Variants in LMTK2 observed in about 807,000 individuals in gnomAD.
LMTK2 encodes serine/threonine-protein kinase LMTK2.
In LMTK2, 37 loss-of-function variants were observed where a neutral mutation model predicts 127.5. That is an observed-to-expected ratio of 0.29 (90% CI 0.22 to 0.38). The LOEUF (loss-of-function observed/expected upper bound fraction) is 0.38, where lower values mean the gene tolerates loss of function less well. LMTK2 is among the 10% of genes least tolerant of loss of function. The pLI, the probability that LMTK2 is intolerant of heterozygous loss-of-function variation, is 1.00. For synonymous variants in LMTK2, 819 were observed against 810.1 expected (o/e 1.01, Z -0.19); for missense variants, 1,694 against 1,920.3 (o/e 0.88, Z 2.20).
In LMTK2 at chr7:98,119,533, C is replaced by T. The variant is rs754673984; in HGVS notation, c.103+12253C>T. ...TTTTTATTTTTTTAAAAACTTCACT[C>T]CTTCTCTAGATGTCTGTATGAATAA... is the stretch of plus-strand genomic sequence containing the variant. On this transcript the variant is annotated intron_variant, in intron 1 of 13. Transcript: ENST00000297293. Among the ~76,000 whole-genome samples, 50 of 152,288 alleles carry T rather than the reference C, an allele frequency of 3.3e-4. 1 individual carries two copies. In the Middle Eastern group the frequency reaches 0.014, roughly 42 times the overall value.
chr7:98,185,084 C>T lies in LMTK2; in HGVS notation c.825C>T (p.Ser275=), dbSNP rs1031636997. 7.4e-6 allele frequency: 12 copies of T among 1,612,664 alleles called. No individual in the cohort carries two copies. The highest frequency in any genetic ancestry group is 3.3e-4 in the Middle Eastern group (2 of 6,078). Residue 275 remains serine, a synonymous_variant, in exon 8 of 14, where the codon TCC becomes TCT. Coordinates refer to ENST00000297293, the MANE Select transcript of LMTK2 (RefSeq NM_014916.4). The stretch of plus-strand genomic sequence containing the variant: ...CCCTGCGGAATTGTTTTCTCACCTC[C>T]GACTTAAATGTGAAAGTGGGAGATT... The part of the protein sequence containing the change: ...DLALRNCFLT[S]DLNVKVGDYG...
chr7:98,203,888 C>G (rs1797746772), intron 12 of LMTK2, 56 bp from the exon 13 acceptor site: 1 of 1,602,286 alleles, frequency 6.2e-7, no homozygotes, highest in South Asian at 1.1e-5. Flanking sequence ...CAGAGGCTCC[C>G]CCTCTCCCTC....
chr7:98,159,654 C>G (rs569878219), intron 6 of LMTK2, among the ~76,000 whole-genome samples: 6 of 152,240 alleles, frequency 3.9e-5, no homozygotes, highest in Admixed American at 1.3e-4. Context: ...GTTGCCTTAC[C>G]ACACTTAATG....
intron 1 of LMTK2, among the ~76,000 whole-genome samples, chr7:98,133,872 TAATA>T (rs1161249289): frequency 1.3e-5 from 2 of 152,170 alleles, no homozygotes; most frequent in African/African-American, 4.8e-5. Flanking sequence ...TCCAGTTCTG[TAATA>T]AATAAGTAGT....
At chr7:98,153,181 C>A (rs536865333) in intron 4 of LMTK2, among the ~76,000 whole-genome samples, 1 of 152,028 alleles carries the variant, frequency 6.6e-6, no homozygotes, top group Non-Finnish European at 1.5e-5. Context: ...GAGAGGGTCC[C>A]GGCTGGACAT....
At chr7:98,195,189 T>A (rs538995901) in intron 11 of LMTK2, among the ~76,000 whole-genome samples, 2 of 152,324 alleles carry the variant, frequency 1.3e-5, no homozygotes, top group South Asian at 4.1e-4. Context: ...GGCCTCCAAT[T>A]TTTAGAGCCT....
rs558560461 is a variant in LMTK2 at position 98,146,744 on chromosome 7, G to A, written c.377-4638G>A. ...GAGTTATAATTTTTTTAATGCATTC[G>A]TATTTTAAATTGTGTAGGAAATAAA... is the stretch of plus-strand genomic sequence containing the variant. On this transcript the variant is annotated intron_variant, in intron 3 of 13. Coordinates refer to ENST00000297293, the MANE Select transcript of LMTK2 (RefSeq NM_014916.4). Among the ~76,000 whole-genome samples, 61 of 152,034 alleles carry A rather than the reference G, an allele frequency of 4.0e-4. 1 individual carries two copies. Among genetic ancestry groups the A allele is most frequent in the African/African-American group, 1.2e-3 (51 of 41,468 alleles).
rs561551630 is a variant in LMTK2 at position 98,190,881 on chromosome 7, G to T, written c.1148+4G>T. The stretch of plus-strand genomic sequence containing the variant: ...AGCAGCCCTACTCTGATAGATGGTT[G>T]GTAGCCTCACATTCCGCCTGTTCTG... On this transcript the variant is annotated splice_donor_region_variant and intron_variant, in intron 10 of 13. Transcript: ENST00000297293. 1 of 1,613,748 alleles carries T rather than the reference G, an allele frequency of 6.2e-7. No individual in the cohort carries two copies. Among genetic ancestry groups the T allele is most frequent in the South Asian group, 1.1e-5 (1 of 91,044 alleles).
chr7:98,197,597 A>G (rs903898404), intron 11 of LMTK2, among the ~76,000 whole-genome samples: 2 of 152,192 alleles, frequency 1.3e-5, no homozygotes, highest in Admixed American at 1.3e-4. Flanking sequence ...TCATTCCCAT[A>G]ATCCTAACAT....
In LMTK2 at chr7:98,137,367, G is replaced by A. The variant is rs748278109; in HGVS notation, c.156G>A (p.Val52=). The change falls in exon 2 of 14, where the codon GTG becomes GTA. Residue 52 remains valine (V), a synonymous_variant. Transcript: ENST00000297293. ...EVSSSFVILC[V]CSLIILIVLI... The stretch of plus-strand genomic sequence containing the variant: ...CCTCATCTTTTGTGATCCTGTGTGT[G>A]TGCAGTTTAATAATATTAATAGTGT... The A allele has an allele frequency of 6.2e-7, 1 of 1,613,726 alleles. No homozygotes were observed. Among genetic ancestry groups the A allele is most frequent in the Non-Finnish European group, 8.5e-7 (1 of 1,179,776 alleles).
At chr7:98,147,319 A>G (rs1029084447) in intron 3 of LMTK2, among the ~76,000 whole-genome samples, 2 of 151,906 alleles carry the variant, frequency 1.3e-5, no homozygotes, top group Non-Finnish European at 2.9e-5. Context: ...CCTGGGCTCC[A>G]GTGATCCTCC....
chr7:98,112,227 T>G (rs1238596540), intron 1 of LMTK2, among the ~76,000 whole-genome samples: 1 of 152,200 alleles, frequency 6.6e-6, no homozygotes, highest in East Asian at 1.9e-4. Context: ...AGACAGGATC[T>G]TGCTCTGCTG....
Position 98,194,135 on chromosome 7 carries a change from A to G in LMTK2, c.3670A>G (p.Thr1224Ala). The change falls in exon 11 of 14, where the codon ACC becomes GCC. Residue 1224 changes from threonine (T) to alanine (A), a missense_variant. By Grantham distance (58) the Thr-to-Ala change is moderately conservative. Coordinates refer to ENST00000297293, the MANE Select transcript of LMTK2 (RefSeq NM_014916.4). The surrounding 1 kb of genome is among the most constrained non-coding windows in gnomAD (Gnocchi z 5.4). ...CGAGACACAGGACGATCGCCCCTGC[A>G]CCCTCGCTTCCACGGGGACCAACAC... The part of the protein sequence containing the change: ...DFETQDDRPC[T>A]LASTGTNTNE... The G allele has an allele frequency of 2.5e-6, 4 of 1,613,990 alleles. No individual in the cohort carries two copies. The highest frequency in any genetic ancestry group is 1.1e-5 in the South Asian group (1 of 91,070).
At chr7:98,142,199 A>C (rs1459278110) in intron 3 of LMTK2, among the ~76,000 whole-genome samples, 6 of 152,198 alleles carry the variant, frequency 3.9e-5, no homozygotes, top group African/African-American at 1.4e-4. Flanking sequence ...GTTTTCTGAG[A>C]TTGCCGCAAG....
intron 3 of LMTK2, among the ~76,000 whole-genome samples, chr7:98,148,150 A>G (rs966737948): frequency 6.6e-6 from 1 of 151,474 alleles, no homozygotes; most frequent in Non-Finnish European, 1.5e-5. Flanking sequence ...GCGGGATTGC[A>G]CTGTTGCACT....
Position 98,159,365 on chromosome 7 carries a change from G to A in LMTK2, c.597G>A (p.Gln199=). ...YYILQHPNIL[Q]CVGQCVEAIP... is the part of the protein sequence containing the mutation. Reference sequence around the variant, plus strand: ...TTCTTCAGCATCCAAATATTCTTCAGTGTGTTGGACAGTGCGTAGAAGCGA... The same window carrying A: ...TTCTTCAGCATCCAAATATTCTTCAATGTGTTGGACAGTGCGTAGAAGCGA... The change falls in exon 6 of 14, where the codon CAG becomes CAA. Residue 199 remains glutamine (Q), a synonymous_variant. Coordinates refer to ENST00000297293, the MANE Select transcript of LMTK2 (RefSeq NM_014916.4). 6.2e-7 allele frequency: 1 copy of A among 1,604,468 alleles called. No homozygotes were observed.
rs1480837193 is a variant in LMTK2, at chr7:98,192,756, G to C, written c.2291G>C (p.Arg764Thr). The part of the protein sequence containing the change: ...FTEAMLETSC[R>T]NSLDTELQFA... ...GAAGCTATGTTAGAAACGTCATGTAGAAACTCTTTAGATACTGAGCTTCAG... is the reference window on the plus strand; with the variant it reads ...GAAGCTATGTTAGAAACGTCATGTACAAACTCTTTAGATACTGAGCTTCAG... Residue 764 changes from arginine to threonine, a missense_variant, in exon 11 of 14, where the codon AGA becomes ACA. By Grantham distance (71) the Arg-to-Thr change is moderately conservative (BLOSUM62 -1). Coordinates refer to ENST00000297293, the MANE Select transcript of LMTK2 (RefSeq NM_014916.4). 5 of 1,613,610 alleles carry C rather than the reference G, an allele frequency of 3.1e-6. No homozygotes were observed. The African/African-American group carries it at 5.3e-5, about 17-fold the overall frequency.
At chr7:98,149,147 G>A (rs1054166801) in intron 3 of LMTK2, among the ~76,000 whole-genome samples, 13 of 152,238 alleles carry the variant, frequency 8.5e-5, no homozygotes, top group Non-Finnish European at 2.9e-5. Flanking sequence ...ACTTGTGGCA[G>A]TTCCTCAGGA....
Position 98,190,783 on chromosome 7 carries a change from A to G in LMTK2, c.1054A>G (p.Asn352Asp), listed in dbSNP as rs748747195. The G allele has an allele frequency of 1.2e-6, 2 of 1,614,060 alleles. No homozygotes were observed. The highest frequency in any genetic ancestry group is 2.7e-5 in the African/African-American group (2 of 74,912). Residue 352 changes from asparagine (N) to aspartate (D), a missense_variant, in exon 10 of 14, where the codon AAC (asparagine) becomes GAC (aspartate). By Grantham distance (23) the Asn-to-Asp change is conservative. Around this residue, in one of 8 missense-constraint regions of LMTK2, gnomAD observed 216 missense variants for 266.8 expected, o/e 0.81. Coordinates refer to ENST00000297293, the MANE Select transcript of LMTK2 (RefSeq NM_014916.4). ...LFDNAAQPYS[N>D]LSNLDVLNQV... Reference sequence around the variant, plus strand: ...TGACAATGCCGCACAGCCGTATTCAAACCTTTCCAACTTAGATGTCCTCAA... The same window carrying G: ...TGACAATGCCGCACAGCCGTATTCAGACCTTTCCAACTTAGATGTCCTCAA...
Sources: allele counts gnomAD v4.1 joint callset (sites outside exome capture counted in the v4.1 genomes callset), GRCh38; gene constraint gnomAD v4.1.1; regional missense constraint gnomAD v4.1.1; non-coding constraint Gnocchi (gnomAD v3.1); transcripts MANE v1.5; gene names NCBI Gene and HGNC (gene_info 2026-07-23, HGNC 2026-07-21).